Variants in RASSF3 observed in about 807,000 individuals in gnomAD.
The protein encoded by RASSF3 is ras association domain-containing protein 3.
RASSF3 carries 19 observed loss-of-function variants against 19.9 expected under a neutral mutation model. The observed-to-expected ratio is 0.96, with a 90% confidence interval of 0.67 to 1.40. The LOEUF is 1.40. Among genes scored for constraint, RASSF3 ranks in the 40% most tolerant of loss-of-function variants. The pLI is 0.00. For missense variants in RASSF3, 306 were observed against 289.8 expected, an observed-to-expected ratio of 1.06 and a Z score of -0.41; for synonymous variants, 110 against 104.2, an observed-to-expected ratio of 1.06 and a Z score of -0.34.
At chr12:64,552,573 G>A (rs551616293) in intron 2 of RASSF3, among the ~76,000 whole-genome samples, 1 of 152,212 alleles carries the variant, frequency 6.6e-6, no homozygotes, top group South Asian at 2.1e-4. Context: ...TCCCCTCCCT[G>A]TGTCCATGTG....
At chr12:64,511,731 C>T (rs115841085) in intron 1 of RASSF3, among the ~76,000 whole-genome samples, 2,860 of 152,210 alleles carry the variant, frequency 0.019, 93 homozygotes, top group African/African-American at 0.065. Context: ...TTCCAGGACA[C>T]CCCCTTGAAG....
chr12:64,543,643 A>G (rs894129491), downstream of RASSF3, among the ~76,000 whole-genome samples: 1 of 146,042 alleles, frequency 6.8e-6, no homozygotes, highest in African/African-American at 2.5e-5. Flanking sequence ...GTGCGGGCGC[A>G]CGGCGCGGGA....
At chr12:64,661,677 C>CTTTTTTTTTTTTTTTTTTT in intron 1 of RASSF3, among the ~76,000 whole-genome samples, 1 of 79,002 alleles carries the variant, frequency 1.3e-5, no homozygotes, top group Non-Finnish European at 2.4e-5. Flanking sequence ...TTTTCTTTTT[C>CTTTTTTTTTTTTTTTTTTT]TTTTTTTTTT....
chr12:64,641,414 A>ACACACACACACACACGCGCGCGCG lies in RASSF3; in HGVS notation c.111+30672_111+30673insACACACACACACACGCGCGCGCGC. On this transcript the variant is annotated intron_variant, in intron 1 of 4. Coordinates refer to ENST00000542104, the MANE Select transcript of RASSF3 (RefSeq NM_178169.4). ...CTGTCTCACAGGCGCACACACACAC[A>ACACACACACACACACGCGCGCGCG]CGCGCGCGCGCGCGTTGAAAACAAA... Among the ~76,000 whole-genome samples the ACACACACACACACACGCGCGCGCG allele has an allele frequency of 2.2e-3, 310 of 142,150 alleles. 1 individual carries two copies. The highest frequency in any genetic ancestry group is 7.5e-3 in the African/African-American group (269 of 35,716). 93.3% of individuals were successfully genotyped at this position (142,150 alleles called of 152,430 possible). A position where few individuals can be genotyped will look rare whatever the true frequency, so the allele number is the denominator to read the frequency against.
intron 2 of RASSF3, among the ~76,000 whole-genome samples, chr12:64,559,122 C>T (rs754453056): frequency 3.3e-5 from 5 of 152,156 alleles, no homozygotes; most frequent in Admixed American, 6.6e-5. Flanking sequence ...CTGCCATCGG[C>T]GCTGACCTGC....
At chr12:64,586,951 A>T (rs1447813076) in intron 2 of RASSF3, among the ~76,000 whole-genome samples, 1 of 151,660 alleles carries the variant, frequency 6.6e-6, no homozygotes, top group Non-Finnish European at 1.5e-5. Context: ...AAGTAAAATA[A>T]TTTACCCCAA....
intron 1 of RASSF3, among the ~76,000 whole-genome samples, chr12:64,613,180 A>G (rs1019077351): frequency 6.6e-6 from 1 of 152,038 alleles, no homozygotes; most frequent in Non-Finnish European, 1.5e-5. Context: ...TTAATGTAGA[A>G]TGTTCCTTTT....
chr12:64,688,649 G>T (rs1283283678), intron 3 of RASSF3, among the ~76,000 whole-genome samples, 196 bp downstream of exon 3: 1 of 152,080 alleles, frequency 6.6e-6, no homozygotes, highest in Non-Finnish European at 1.5e-5. Context: ...GACAGTTGAG[G>T]GTCTGAGGAG....
downstream of RASSF3, among the ~76,000 whole-genome samples, chr12:64,543,410 T>TCCCGG (rs1555208299): frequency 2.7e-5 from 2 of 72,728 alleles, no homozygotes; most frequent in East Asian, 1.7e-3. Flanking sequence ...TGCCTGAGTT[T>TCCCGG]CCCGCCCCCC....
intron 2 of RASSF3, among the ~76,000 whole-genome samples, chr12:64,578,003 G>A (rs537872156): frequency 6.6e-6 from 1 of 152,180 alleles, no homozygotes; most frequent in Admixed American, 6.5e-5. Flanking sequence ...CAGATTACTT[G>A]AGGTCAGGAG....
At chr12:64,641,637 CTT>C (rs772275438) in intron 1 of RASSF3, among the ~76,000 whole-genome samples, 78 of 48,170 alleles carry the variant, frequency 1.6e-3, no homozygotes, top group South Asian at 4.1e-3. Flanking sequence ...CTCTCTCTCT[CTT>C]TTTTTTTTTT....
intron 2 of RASSF3, among the ~76,000 whole-genome samples, chr12:64,556,481 G>A (rs1869258108): frequency 6.6e-6 from 1 of 152,072 alleles, no homozygotes; most frequent in Non-Finnish European, 1.5e-5. Context: ...TTCTATAAAA[G>A]AGCCTGCCCC....
chr12:64,687,253 C>T (rs1311875461), intron 2 of RASSF3, among the ~76,000 whole-genome samples: 2 of 152,206 alleles, frequency 1.3e-5, no homozygotes, highest in South Asian at 2.1e-4. Flanking sequence ...CTGCTCGCCT[C>T]GGCCTCCCAA....
downstream of RASSF3, among the ~76,000 whole-genome samples, chr12:64,542,565 C>T (rs1269765338): frequency 6.6e-6 from 1 of 152,182 alleles, no homozygotes; most frequent in African/African-American, 2.4e-5. Context: ...CATCCCCTCT[C>T]CTGACACATC....
intron 1 of RASSF3, among the ~76,000 whole-genome samples, chr12:64,667,649 G>A (rs911707960): frequency 5.3e-5 from 8 of 152,206 alleles, no homozygotes; most frequent in Non-Finnish European, 1.0e-4. Flanking sequence ...AATCAGCTGA[G>A]AAGAAAGACA....
At chr12:64,602,864 G>A (rs1193051886) in intron 2 of RASSF3, among the ~76,000 whole-genome samples, 3 of 152,152 alleles carry the variant, frequency 2.0e-5, no homozygotes, top group Non-Finnish European at 4.4e-5. Flanking sequence ...CACTTGGGAG[G>A]CCAAGGTGGG....
chr12:64,675,059 C>CT (rs1872845583), intron 1 of RASSF3, among the ~76,000 whole-genome samples: 1 of 130,504 alleles, frequency 7.7e-6, no homozygotes, highest in Non-Finnish European at 1.7e-5. Context: ...CCCCCCCCCC[C>CT]GCCACCCCGG....
At chr12:64,614,202 C>T (rs1026743737) in intron 1 of RASSF3, among the ~76,000 whole-genome samples, 5 of 146,548 alleles carry the variant, frequency 3.4e-5, no homozygotes, top group Non-Finnish European at 6.0e-5. Flanking sequence ...GGCGTGATCT[C>T]GGCTCACTGC....
At chr12:64,566,872 G>A (rs897385357) in intron 2 of RASSF3, among the ~76,000 whole-genome samples, 3 of 152,204 alleles carry the variant, frequency 2.0e-5, no homozygotes, top group Non-Finnish European at 2.9e-5. Context: ...CTGAGGTGGT[G>A]TTTTTGTTGT....
Sources: allele counts gnomAD v4.1 joint callset (sites outside exome capture counted in the v4.1 genomes callset), GRCh38; gene constraint gnomAD v4.1.1; transcripts MANE v1.5; gene names NCBI Gene and HGNC (gene_info 2026-07-23, HGNC 2026-07-21).